PDLIM5: variants seen among roughly 807,000 people sequenced by gnomAD.
PDLIM5 encodes the protein PDZ and LIM domain 5.
PDLIM5 carries 34 observed loss-of-function variants against 64.2 expected under a neutral mutation model. The observed-to-expected ratio is 0.53, with a 90% CI of 0.40 to 0.71. PDLIM5 has a LOEUF of 0.71. Among genes scored for constraint, PDLIM5 ranks in the 30% least tolerant of loss-of-function variants. The pLI is 0.00. For synonymous variants in PDLIM5, 253 were observed against 269.1 expected, an observed-to-expected ratio of 0.94 and a Z score of 0.59; for missense variants, 683 against 733.6, an observed-to-expected ratio of 0.93 and a Z score of 0.80.
chr4:94,658,504 A>G (rs575568608), intron 11 of PDLIM5, among the ~76,000 whole-genome samples: 3 of 152,262 alleles, frequency 2.0e-5, no homozygotes, highest in South Asian at 4.1e-4. Flanking sequence ...TTTTTCCTTT[A>G]TTGTGCCTCT....
intron 2 of PDLIM5, among the ~76,000 whole-genome samples, chr4:94,522,626 T>G (rs1449248396): frequency 1.3e-5 from 2 of 152,226 alleles, no homozygotes; most frequent in African/African-American, 4.8e-5. Flanking sequence ...TCTGCCTGTC[T>G]CGGCCTCCCA....
At chr4:94,582,531 C>T in intron 5 of PDLIM5, 1 of 526,158 alleles carries the variant, frequency 1.9e-6, no homozygotes, top group South Asian at 2.9e-5. Context: ...TCTGTGTTTA[C>T]ATAATTATTT....
At chr4:94,470,132 AAT>A (rs1393620068) in intron 2 of PDLIM5, among the ~76,000 whole-genome samples, 6 of 151,766 alleles carry the variant, frequency 4.0e-5, no homozygotes, top group South Asian at 4.2e-4. Context: ...ACACCCGGCT[AAT>A]TTTTTGTATT....
intron 3 of PDLIM5, among the ~76,000 whole-genome samples, chr4:94,557,056 T>C (rs972781545): frequency 2.0e-5 from 3 of 152,216 alleles, no homozygotes; most frequent in Non-Finnish European, 4.4e-5. Context: ...ATTTAAGTCT[T>C]TAATCCATCT....
chr4:94,490,067 G>T (rs1420722378), intron 2 of PDLIM5, among the ~76,000 whole-genome samples: 3 of 148,966 alleles, frequency 2.0e-5, no homozygotes, highest in South Asian at 2.1e-4. Flanking sequence ...GTTTTTGTGG[G>T]TTTTTTTTTG....
intron 2 of PDLIM5, among the ~76,000 whole-genome samples, chr4:94,458,975 G>A (rs573496199): frequency 1.3e-5 from 2 of 152,260 alleles, no homozygotes; most frequent in African/African-American, 2.4e-5. Context: ...ATGGAGTGCG[G>A]GCTACCTAAG....
intron 1 of PDLIM5, among the ~76,000 whole-genome samples, 161 bp downstream of exon 1, chr4:94,452,156 A>G (rs989994080): frequency 3.9e-5 from 6 of 152,056 alleles, no homozygotes; most frequent in Non-Finnish European, 5.9e-5. Flanking sequence ...CTGGGCGCGG[A>G]GCGGCGGAGG....
chr4:94,512,870 TTTGAG>T (rs1195578708), intron 2 of PDLIM5, among the ~76,000 whole-genome samples: 1 of 152,182 alleles, frequency 6.6e-6, no homozygotes, highest in African/African-American at 2.4e-5. Flanking sequence ...GTTTGAGGTG[TTTGAG>T]TTAAGTCTTT....
chr4:94,514,855 T>C (rs1729225273), intron 2 of PDLIM5, among the ~76,000 whole-genome samples: 2 of 152,240 alleles, frequency 1.3e-5, no homozygotes, highest in African/African-American at 4.8e-5. Flanking sequence ...AATGATCCTT[T>C]GGATTTCTGC....
At chr4:94,619,059 A>G (rs545011597) in intron 8 of PDLIM5, among the ~76,000 whole-genome samples, 3 of 152,236 alleles carry the variant, frequency 2.0e-5, no homozygotes, top group East Asian at 3.9e-4. Context: ...TGGCACCTCA[A>G]ATCCAGTATG....
At chr4:94,512,272 G>A (rs1184322749) in intron 2 of PDLIM5, among the ~76,000 whole-genome samples, 1 of 152,154 alleles carries the variant, frequency 6.6e-6, no homozygotes, top group Middle Eastern at 3.4e-3. Flanking sequence ...GCCCGCCTCA[G>A]CCTCCCAAAG....
intron 2 of PDLIM5, among the ~76,000 whole-genome samples, chr4:94,487,313 A>G (rs542452860): frequency 3.5e-4 from 53 of 152,282 alleles, no homozygotes; most frequent in African/African-American, 1.3e-3. Context: ...AGTAGACTTG[A>G]CCAGTGAAGA....
chr4:94,477,264 G>A (rs982718174), intron 2 of PDLIM5, among the ~76,000 whole-genome samples: 3 of 152,120 alleles, frequency 2.0e-5, no homozygotes, highest in Admixed American at 6.6e-5. Flanking sequence ...GCTGCTCTTC[G>A]TAGAGCCAGC....
At chr4:94,472,551 A>G (rs1190648590) in intron 2 of PDLIM5, among the ~76,000 whole-genome samples, 1 of 152,226 alleles carries the variant, frequency 6.6e-6, no homozygotes, top group Non-Finnish European at 1.5e-5. Flanking sequence ...GAACTAAGCA[A>G]TGTACCTGCC....
chr4:94,489,664 A>G (rs976862569), intron 2 of PDLIM5, among the ~76,000 whole-genome samples: 1 of 152,110 alleles, frequency 6.6e-6, no homozygotes, highest in Non-Finnish European at 1.5e-5. Context: ...AGTGGCTCAC[A>G]CCTATAATCC....
intron 9 of PDLIM5, among the ~76,000 whole-genome samples, chr4:94,644,805 T>G (rs1468198719): frequency 6.6e-6 from 1 of 152,148 alleles, no homozygotes; most frequent in African/African-American, 2.4e-5. Flanking sequence ...CCTCCCAAAA[T>G]GCTGGGATTA....
intron 5 of PDLIM5, chr4:94,585,121 C>T (rs536763243): frequency 2.2e-5 from 13 of 604,350 alleles, no homozygotes; most frequent in South Asian, 8.7e-5. Flanking sequence ...AACAGAGTCT[C>T]GCTCTGTTGC....
chr4:94,506,640 A>T (rs1442420236), intron 2 of PDLIM5, among the ~76,000 whole-genome samples: 1 of 152,218 alleles, frequency 6.6e-6, no homozygotes, highest in African/African-American at 2.4e-5. Flanking sequence ...AAGTTTGAAT[A>T]TATGAATTTT....
intron 2 of PDLIM5, among the ~76,000 whole-genome samples, chr4:94,518,601 G>A (rs1285135221): frequency 1.3e-5 from 2 of 152,134 alleles, no homozygotes; most frequent in African/African-American, 2.4e-5. Context: ...AGGCACGCAA[G>A]TATTACTGTG....
Sources: allele counts gnomAD v4.1 joint callset (sites outside exome capture counted in the v4.1 genomes callset), GRCh38; gene constraint gnomAD v4.1.1; transcripts MANE v1.5; gene names NCBI Gene and HGNC (gene_info 2026-07-23, HGNC 2026-07-21).